Variants in ARID4B observed in about 807,000 individuals in gnomAD.
The protein encoded by ARID4B is AT-rich interaction domain 4B.
A neutral mutation model predicts 147.5 loss-of-function variants in ARID4B; 26 were observed. That is an observed-to-expected ratio of 0.18 (90% CI 0.13 to 0.24). The LOEUF (loss-of-function observed/expected upper bound fraction) is 0.24. Ranked by LOEUF, ARID4B falls within the 10% of genes least tolerant of loss-of-function variation. The probability of loss-of-function intolerance (pLI) is 1.00; values close to 1 mark genes in which losing one functional copy is unlikely to be tolerated. For synonymous variants in ARID4B, 512 were observed against 507.9 expected, an observed-to-expected ratio of 1.01 and a Z score of -0.11; for missense variants, 1,179 against 1,511.5, an observed-to-expected ratio of 0.78 and a Z score of 3.65.
At position 235,220,472 on chromosome 1, in the gene ARID4B, C is replaced by A; in HGVS notation, c.1237G>T (p.Val413Phe). 1 of 1,612,702 alleles carries A rather than the reference C, an allele frequency of 6.2e-7. No individual in the cohort carries two copies. The change falls in exon 15 of 24, where the codon GTT (valine) becomes TTT (phenylalanine). Residue 413 changes from valine (V) to phenylalanine (F), a missense_variant. Around this residue, in one of 10 missense-constraint regions of ARID4B, gnomAD observed 204 missense variants for 210.9 expected, o/e 0.97. Coordinates refer to ENST00000264183, the MANE Select transcript of ARID4B (RefSeq NM_016374.6). ...EFQMALPEKV[V>F]NKQCKECENV... ...TCACACTCCTTACATTGCTTGTTAA[C>A]AACTTTCTCTGGCAATGCCATCTGA... is the stretch of plus-strand genomic sequence containing the variant.
At chr1:235,278,653 G>T (rs1324301960) in intron 2 of ARID4B, among the ~76,000 whole-genome samples, 1 of 152,118 alleles carries the variant, frequency 6.6e-6, no homozygotes, top group African/African-American at 2.4e-5. Context: ...AACTTTACTA[G>T]TAAGTATTTC....
chr1:235,202,935 T>C (rs1666052787), intron 17 of ARID4B, among the ~76,000 whole-genome samples: 1 of 152,176 alleles, frequency 6.6e-6, no homozygotes, highest in Non-Finnish European at 1.5e-5. Context: ...AGGTATCTAT[T>C]ATGTAATAAC....
chr1:235,218,428 T>C (rs1172991809), intron 16 of ARID4B, among the ~76,000 whole-genome samples: 4 of 152,176 alleles, frequency 2.6e-5, no homozygotes, highest in Non-Finnish European at 4.4e-5. Flanking sequence ...TCCAGAAACA[T>C]CTGCAGATTT....
intron 2 of ARID4B, among the ~76,000 whole-genome samples, chr1:235,318,699 A>G (rs899650872): frequency 2.0e-5 from 3 of 152,060 alleles, no homozygotes; most frequent in African/African-American, 7.2e-5. Context: ...TAGGGAACAT[A>G]GTGAGACTTC....
intron 2 of ARID4B, among the ~76,000 whole-genome samples, chr1:235,303,239 T>C (rs1673313412): frequency 6.6e-6 from 1 of 152,172 alleles, no homozygotes; most frequent in Non-Finnish European, 1.5e-5. Flanking sequence ...TTTATATTCT[T>C]AACCAATGAC....
intron 2 of ARID4B, among the ~76,000 whole-genome samples, chr1:235,311,182 C>A (rs75619299): frequency 0.04 from 6,051 of 151,814 alleles, 452 homozygotes; most frequent in African/African-American, 0.14. Flanking sequence ...CATAGTGAGA[C>A]CCCATCTCTA....
At chr1:235,229,032 T>G in intron 11 of ARID4B, 199 bp downstream of exon 11, 2 of 591,866 alleles carry the variant, frequency 3.4e-6, no homozygotes, top group Non-Finnish European at 5.5e-6. Flanking sequence ...TCAGGCTTAA[T>G]ATTTTCTATT....
At chr1:235,299,179 G>A (rs11577889) in intron 2 of ARID4B, among the ~76,000 whole-genome samples, 19,963 of 152,130 alleles carry the variant, frequency 0.13, 1,527 homozygotes, top group African/African-American at 0.2. Flanking sequence ...TACATAAGAA[G>A]CTTTTTGGTG....
intron 22 of ARID4B, among the ~76,000 whole-genome samples, chr1:235,173,785 T>G (rs1213662211): frequency 3.5e-5 from 2 of 57,062 alleles, no homozygotes; most frequent in Non-Finnish European, 6.0e-5. Context: ...TATATATATA[T>G]ATATATATAT....
chr1:235,288,466 C>T (rs1672125806), intron 2 of ARID4B, among the ~76,000 whole-genome samples: 2 of 152,176 alleles, frequency 1.3e-5, no homozygotes, highest in South Asian at 4.1e-4. Context: ...TCTATTTTTA[C>T]ATAACTGGTA....
At chr1:235,172,255 G>T (rs1271118010) in intron 23 of ARID4B, among the ~76,000 whole-genome samples, 1 of 152,166 alleles carries the variant, frequency 6.6e-6, no homozygotes, top group Non-Finnish European at 1.5e-5. Flanking sequence ...ACTGCAGAGT[G>T]AGAAATTCTG....
chr1:235,213,981 T>C lies in ARID4B; in HGVS notation c.1629A>G (p.Glu543=). 1 of 1,590,514 alleles carries C rather than the reference T, an allele frequency of 6.3e-7. No individual in the cohort carries two copies. Among genetic ancestry groups the C allele is most frequent in the Non-Finnish European group, 8.6e-7 (1 of 1,158,746 alleles). ...CTTCTTCTTCCTCCTCCTCCTCCTC[T>C]TCTGCTTCTTCATCATCTTCATCTT... ...KEEDEDDEEA[E]EEEEEEEEEE... The change falls in exon 17 of 24, where the codon GAA becomes GAG. Residue 543 remains glutamate, a synonymous_variant. Transcript: ENST00000264183.
intron 2 of ARID4B, among the ~76,000 whole-genome samples, chr1:235,310,184 TAAAA>T (rs199543378): frequency 6.7e-6 from 1 of 149,182 alleles, no homozygotes; most frequent in Non-Finnish European, 1.5e-5. Flanking sequence ...TAAAAAAAAA[TAAAA>T]AAAAAGAAAC....
At chr1:235,225,738 T>C (rs1667786184) in intron 11 of ARID4B, among the ~76,000 whole-genome samples, 1 of 152,158 alleles carries the variant, frequency 6.6e-6, no homozygotes, top group African/African-American at 2.4e-5. Context: ...TCTAAATAAA[T>C]AAAAACATAG....
intron 11 of ARID4B, 21 bp downstream of exon 11, chr1:235,229,210 G>T (rs202224269): frequency 6.2e-7 from 1 of 1,605,144 alleles, no homozygotes; most frequent in Admixed American, 1.7e-5. Context: ...ATTTTAAAAG[G>T]TATCAACTGT....
intron 22 of ARID4B, among the ~76,000 whole-genome samples, chr1:235,174,042 CTT>C (rs753651970): frequency 2.8e-5 from 4 of 142,216 alleles, no homozygotes; most frequent in Admixed American, 7.1e-5. Flanking sequence ...TCAGAAGTAT[CTT>C]TTTTTTTTTT....
chr1:235,315,169 A>G (rs1674343129), intron 2 of ARID4B, among the ~76,000 whole-genome samples: 1 of 152,180 alleles, frequency 6.6e-6, no homozygotes, highest in Admixed American at 6.5e-5. Context: ...CACATCTGTA[A>G]TCCCAACATT....
intron 13 of ARID4B, among the ~76,000 whole-genome samples, chr1:235,222,210 C>A (rs1029169819): frequency 1.3e-5 from 2 of 152,090 alleles, no homozygotes; most frequent in East Asian, 1.9e-4. Context: ...CCATAACTGG[C>A]CCCATTTGAC....
chr1:235,240,425 G>C lies in ARID4B; in HGVS notation c.473C>G (p.Ser158Cys). 1 of 1,612,998 alleles carries C rather than the reference G, an allele frequency of 6.2e-7. No homozygotes were observed. Among genetic ancestry groups the C allele is most frequent in the Non-Finnish European group, 8.5e-7 (1 of 1,179,328 alleles). Residue 158 changes from serine to cysteine, a missense_variant, in exon 8 of 24, where the codon TCC becomes TGC. Physicochemically the swap from Ser to Cys is moderately radical, Grantham distance 112. Transcript: ENST00000264183. ...CCTATCATCCTCATCTTCATCACTG[G>C]AGGATGATGAAGACTCTTCCTCTGG... Reference protein sequence around the residue: ...HIPEEESSSSSSDEDEDDRKQ... With the variant: ...HIPEEESSSSCSDEDEDDRKQ...
Sources: gnomAD v4.1 joint callset for allele counts (sites outside exome capture counted in the v4.1 genomes callset) on GRCh38, gnomAD v4.1.1 for gene constraint, gnomAD v4.1.1 regional missense constraint, MANE v1.5 for transcripts, NCBI Gene and HGNC (gene_info 2026-07-23, HGNC 2026-07-21) for gene names.